PHKB: variants seen among roughly 807,000 people sequenced by gnomAD.
PHKB encodes phosphorylase b kinase regulatory subunit beta.
A neutral mutation model predicts 152.1 loss-of-function variants in PHKB; 122 were observed. The ratio of observed to expected loss-of-function variants is 0.80; its 90% CI spans 0.69 to 0.93. The LOEUF (loss-of-function observed/expected upper bound fraction) is 0.93, where lower values mean the gene tolerates loss of function less well. PHKB is among the 40% of genes least tolerant of loss of function. The pLI, the probability that PHKB is intolerant of heterozygous loss-of-function variation, is 0.00. For synonymous variants in PHKB, 436 were observed against 464.9 expected (o/e 0.94, Z 0.80); for missense variants, 1,304 against 1,328.4 (o/e 0.98, Z 0.29).
At chr16:47,642,251 CTT>C (rs778820137) in intron 16 of PHKB, among the ~76,000 whole-genome samples, 5 of 152,174 alleles carry the variant, frequency 3.3e-5, no homozygotes, top group South Asian at 2.1e-4. Context: ...ATTTCAACCT[CTT>C]TGGTTTGCTG....
intron 14 of PHKB, chr16:47,619,559 C>G (rs962514407): frequency 6.6e-6 from 1 of 152,118 alleles, no homozygotes; most frequent in Non-Finnish European, 1.5e-5. Context: ...CTTCCTTATC[C>G]AAAGGAAAAC....
At chr16:47,590,232 A>G (rs990066753) in intron 10 of PHKB, 3 of 151,948 alleles carry the variant, frequency 2.0e-5, no homozygotes, top group Non-Finnish European at 4.4e-5. Context: ...TTAAAATTTA[A>G]CATACACTTT....
intron 13 of PHKB, chr16:47,598,954 C>A: frequency 6.9e-7 from 1 of 1,452,496 alleles, no homozygotes; most frequent in Non-Finnish European, 9.6e-7. Context: ...TGGAGTATTG[C>A]ACACAGCCAA....
At chr16:47,656,876 G>A (rs1004120505) in intron 20 of PHKB, among the ~76,000 whole-genome samples, 10 of 152,024 alleles carry the variant, frequency 6.6e-5, no homozygotes, top group Admixed American at 4.6e-4. Flanking sequence ...CTTGCAGTTC[G>A]TTGCTAGCCA....
intron 13 of PHKB, among the ~76,000 whole-genome samples, chr16:47,608,777 A>G (rs1597120993): frequency 6.6e-6 from 1 of 152,290 alleles, no homozygotes; most frequent in Admixed American, 6.5e-5. Flanking sequence ...TTGACTATAC[A>G]TGCAAGGGTT....
chr16:47,696,316 T>G, intron 28 of PHKB, 65 bp from the exon 29 acceptor site: 1 of 839,350 alleles, frequency 1.2e-6, no homozygotes, highest in Non-Finnish European at 2.1e-6. Context: ...AAAATGAAAT[T>G]CTTCTATTAA....
chr16:47,672,779 T>G (rs1401893844), intron 26 of PHKB, among the ~76,000 whole-genome samples: 1 of 152,168 alleles, frequency 6.6e-6, no homozygotes, highest in East Asian at 1.9e-4. Flanking sequence ...GAATGGATAT[T>G]TATTCTAAAA....
chr16:47,461,536 A>G (rs1440628185), intron 1 of PHKB, 110 bp downstream of exon 1: 1 of 1,102,236 alleles, frequency 9.1e-7, no homozygotes, highest in Non-Finnish European at 1.4e-6. Context: ...CTGTGCCCCG[A>G]GTTCCTCCTT....
At chr16:47,604,437 A>G (rs907068017) in intron 13 of PHKB, among the ~76,000 whole-genome samples, 4 of 152,062 alleles carry the variant, frequency 2.6e-5, no homozygotes, top group African/African-American at 9.7e-5. Context: ...ACACACACAC[A>G]CACATGTATT....
At chr16:47,619,843 T>G (rs1026675638) in intron 14 of PHKB, among the ~76,000 whole-genome samples, 2 of 152,108 alleles carry the variant, frequency 1.3e-5, no homozygotes. Context: ...TTTTATTGAT[T>G]TATTGTATTT....
rs557948850 is a variant in PHKB, at chr16:47,570,318, G to T, written c.711-9977G>T. Among the ~76,000 whole-genome samples the T allele has an allele frequency of 2.6e-4, 39 of 152,302 alleles. 1 individual carries two copies. The highest frequency in any genetic ancestry group is 6.8e-3 in the Middle Eastern group (2 of 294). ...TTTTTTGAGCTTCTGGTATTTGGAT[G>T]TCTAAATCTCTAGCAAGATTAGGAA... On this transcript the variant is annotated intron_variant, in intron 7 of 30. Transcript: ENST00000323584.
rs893421391 is a variant in PHKB at position 47,616,681 on chromosome 16, A to G, written c.1458+5761A>G. 2.7e-5 allele frequency among the ~76,000 whole-genome samples: 4 copies of G among 148,128 alleles called. No homozygotes were observed. In the East Asian group the frequency reaches 7.8e-4, roughly 29 times the overall value. On this transcript the variant is annotated intron_variant, in intron 14 of 30. Coordinates refer to ENST00000323584, the MANE Select transcript of PHKB (RefSeq NM_000293.3). ...TATATTAATATATAATATTTTACAT[A>G]TAAATATTATATATTGCCCAGACCA...
At chr16:47,646,572 TAA>T (rs35849346) in intron 16 of PHKB, among the ~76,000 whole-genome samples, 5 of 107,728 alleles carry the variant, frequency 4.6e-5, no homozygotes, top group Admixed American at 9.1e-5. Context: ...AAAAAAATAA[TAA>T]AAAAAAAAAA....
Position 47,465,138 on chromosome 16 carries a change from G to A in PHKB, c.76+3712G>A, listed in dbSNP as rs1969645991. On this transcript the variant is annotated intron_variant, in intron 1 of 30. Transcript: ENST00000323584. ...GGAACTAAAATGATTTCTATTTCTA[G>A]GTGTCATCTGCTAAATGACAAAATA... 2.6e-5 allele frequency among the ~76,000 whole-genome samples: 4 copies of A among 152,180 alleles called. No homozygotes were observed. In the South Asian group the frequency reaches 8.3e-4, roughly 32 times the overall value.
chr16:47,546,818 C>A (rs969907750), intron 6 of PHKB, among the ~76,000 whole-genome samples: 1 of 152,068 alleles, frequency 6.6e-6, no homozygotes, highest in Non-Finnish European at 1.5e-5. Context: ...TGGTGGACCC[C>A]CCTCCCCCAG....
At chr16:47,684,332 AT>A (rs1973922059) in intron 26 of PHKB, among the ~76,000 whole-genome samples, 1 of 152,162 alleles carries the variant, frequency 6.6e-6, no homozygotes, top group Admixed American at 6.5e-5. Flanking sequence ...CTCAAAAAAA[AT>A]AAAATAAAAT....
chr16:47,506,962 G>GT (rs904226321), intron 4 of PHKB, among the ~76,000 whole-genome samples: 83 of 152,206 alleles, frequency 5.5e-4, no homozygotes, highest in Non-Finnish European at 1.0e-3. Flanking sequence ...TAGCCAGTTG[G>GT]TTTTTTTATT....
At chr16:47,574,833 T>G (rs1052428647) in intron 7 of PHKB, among the ~76,000 whole-genome samples, 5 of 152,188 alleles carry the variant, frequency 3.3e-5, no homozygotes, top group African/African-American at 1.2e-4. Context: ...CTTGGCAGGA[T>G]CAAACAAACC....
intron 13 of PHKB, chr16:47,598,555 T>C: frequency 2.8e-6 from 2 of 708,770 alleles, no homozygotes; most frequent in Non-Finnish European, 4.7e-6. Context: ...ATATCACTTT[T>C]CTTGATTATA....
Sources: gnomAD v4.1 joint callset for allele counts (sites outside exome capture counted in the v4.1 genomes callset) on GRCh38, gnomAD v4.1.1 for gene constraint, MANE v1.5 for transcripts, NCBI Gene and HGNC (gene_info 2026-07-23, HGNC 2026-07-21) for gene names.